Variants in DKC1 observed in about 807,000 individuals in gnomAD.
The protein encoded by DKC1 is dyskerin pseudouridine synthase 1.
Under a neutral mutation model 46.7 loss-of-function variants are expected in DKC1, and 4 were observed. The ratio of observed to expected loss-of-function variants is 0.09; its 90% CI spans 0.04 to 0.20. The LOEUF is 0.20. Ranked by LOEUF, DKC1 falls within the 10% of genes least tolerant of loss-of-function variation. The pLI is 1.00. For synonymous variants in DKC1, 141 were observed against 142.4 expected (o/e 0.99, Z 0.07); for missense variants, 171 against 404.2 (o/e 0.42, Z 4.95).
At chrX:154,764,829 G>C in intron 1 of DKC1, 70 bp from the exon 2 acceptor site, 1 of 824,097 alleles carries the variant, frequency 1.2e-6, no homozygotes, top group Admixed American at 2.2e-5. Flanking sequence ...CCTAATTTCG[G>C]TCTTTATTTT....
At chrX:154,764,432 C>A (rs1374162597) in intron 1 of DKC1, among the ~76,000 whole-genome samples, 1 of 110,097 alleles carries the variant, frequency 9.1e-6, no homozygotes, top group African/African-American at 3.3e-5. Flanking sequence ...ATATATTTTT[C>A]TTCAGAATAA....
In DKC1 at chrX:154,765,873, G is replaced by A. The variant is rs782531283; in HGVS notation, c.172-34G>A. The A allele has an allele frequency of 1.9e-5, 20 of 1,061,082 alleles. No individual in the cohort carries two copies. The South Asian group carries it at 3.4e-4, about 18-fold the overall frequency. 87.4% of individuals were successfully genotyped at this position (1,061,082 alleles called of 1,213,427 possible). A position where few individuals can be genotyped will look rare whatever the true frequency, so the allele number is the denominator to read the frequency against. ...TTTTTTTACATGTGCTCACGACATGGTATTTTGTTTTGTGTTGTGTCGTTG... is the reference window on the plus strand; with the variant it reads ...TTTTTTTACATGTGCTCACGACATGATATTTTGTTTTGTGTTGTGTCGTTG... On this transcript the variant is annotated intron_variant, in intron 3 of 14. Coordinates refer to ENST00000369550, the MANE Select transcript of DKC1 (RefSeq NM_001363.5).
chrX:154,766,960 A>C (rs2071753611), intron 5 of DKC1, 37 bp from the exon 6 acceptor site: 13 of 1,177,736 alleles, frequency 1.1e-5, no homozygotes, highest in Non-Finnish European at 1.5e-5. Flanking sequence ...CAGAAAACTC[A>C]GTGGCCACAC....
intron 12 of DKC1, 21 bp from the exon 13 acceptor site, chrX:154,775,174 C>G (rs782263732): frequency 8.3e-7 from 1 of 1,201,329 alleles, no homozygotes. Context: ...TGAATTTGAC[C>G]TATTGCTACC....
At position 154,766,419 on chromosome X, in the gene DKC1, G is replaced by A. The variant is rs1557264176; in HGVS notation, c.448+19G>A. On this transcript the variant is annotated intron_variant, in intron 5 of 14. Transcript: ENST00000369550. ...AGTGCAGGTATGTGGGAGAGGGAGG[G>A]AAGGACTGGCTAGAGTGAAAAGCTT... The A allele has an allele frequency of 1.7e-6, 2 of 1,189,587 alleles. No homozygotes were observed. Among genetic ancestry groups the A allele is most frequent in the Non-Finnish European group, 2.3e-6 (2 of 876,338 alleles).
rs200156434 is a variant in DKC1 at position 154,769,318 on chromosome X, C to T, written c.915+8C>T. On this transcript the variant is annotated splice_region_variant and intron_variant, in intron 9 of 14. Coordinates refer to ENST00000369550, the MANE Select transcript of DKC1 (RefSeq NM_001363.5). ...GTTATGAAAGACAGTGCAGTAAGTT[C>T]CGGGTTAGGAGTTTATATTTGGAAA... is the stretch of plus-strand genomic sequence containing the variant. The T allele has an allele frequency of 3.1e-4, 372 of 1,207,821 alleles. 1 individual carries two copies. The highest frequency in any genetic ancestry group is 3.6e-4 in the Non-Finnish European group (322 of 893,409).
chrX:154,765,116 C>T (rs181965219), intron 2 of DKC1, 150 bp downstream of exon 2: 8 of 511,655 alleles, frequency 1.6e-5, no homozygotes, highest in African/African-American at 7.2e-5. Flanking sequence ...TGAAATGACA[C>T]AGCCCCAGAC....
intron 11 of DKC1, among the ~76,000 whole-genome samples, chrX:154,773,637 G>C (rs1336104528): frequency 9.1e-6 from 1 of 110,441 alleles, no homozygotes; most frequent in Non-Finnish European, 1.9e-5. Flanking sequence ...CAGATCAACA[G>C]GATCCCAAGG....
At chrX:154,774,435 GTCC>G (rs2071868734) in intron 11 of DKC1, among the ~76,000 whole-genome samples, 164 bp from the exon 12 acceptor site, 1 of 112,287 alleles carries the variant, frequency 8.9e-6, no homozygotes, top group Non-Finnish European at 1.9e-5. Flanking sequence ...TCTTCAACAA[GTCC>G]TGTGTGTGTT....
In DKC1 at chrX:154,769,170, C is replaced by T; in HGVS notation, c.775C>T (p.His259Tyr). Residue 259 changes from histidine (H) to tyrosine (Y), a missense_variant, in exon 9 of 15, where the codon CAC becomes TAC. Coordinates refer to ENST00000369550, the MANE Select transcript of DKC1 (RefSeq NM_001363.5). ...VRSGVMSEKD[H>Y]MVTMHDVLDA... Reference sequence around the variant, plus strand: ...TTCATACATGGCTGCTTTTCAGGACCACATGGTGACAATGCATGATGTGCT... The same window carrying T: ...TTCATACATGGCTGCTTTTCAGGACTACATGGTGACAATGCATGATGTGCT... 1.7e-6 allele frequency: 2 copies of T among 1,210,347 alleles called. No homozygotes were observed. The highest frequency in any genetic ancestry group is 2.2e-6 in the Non-Finnish European group (2 of 894,966).
Position 154,773,112 on chromosome X carries a change from C to T in DKC1, c.1037-19C>T, listed in dbSNP as rs1557265111. On this transcript the variant is annotated intron_variant, in intron 10 of 14. Transcript: ENST00000369550. ...CTTTCACCCTTCAAATAATTCTTTT[C>T]TTTATTCAATGCCTGTAGCTATTGC... 2 of 1,063,889 alleles carry T rather than the reference C, an allele frequency of 1.9e-6. No individual in the cohort carries two copies. The highest frequency in any genetic ancestry group is 3.0e-5 in the East Asian group (1 of 32,914). The allele number at this position is 1,063,889 out of a possible 1,213,427, so 87.7% of individuals were successfully genotyped here. A position where few individuals can be genotyped will look rare whatever the true frequency, so the allele number is the denominator to read the frequency against.
chrX:154,767,215 A>C, intron 6 of DKC1, 41 bp from the exon 7 acceptor site: 1 of 1,211,190 alleles, frequency 8.3e-7, no homozygotes. Context: ...GCACATGTAC[A>C]TTCTGATGAG....
intron 13 of DKC1, 45 bp from the exon 14 acceptor site, chrX:154,776,142 A>G (rs936232142): frequency 2.5e-6 from 3 of 1,207,072 alleles, no homozygotes; most frequent in Non-Finnish European, 2.2e-6. Flanking sequence ...TTTCTTGTCC[A>G]TTATTGCCCA....
intron 7 of DKC1, 159 bp from the exon 8 acceptor site, chrX:154,768,143 C>A: frequency 1.4e-6 from 1 of 710,548 alleles, no homozygotes; most frequent in Non-Finnish European, 2.2e-6. Flanking sequence ...AGCCACCGTG[C>A]CTGGCCAGAA....
rs781954011 is a variant in DKC1 at position 154,774,002 on chromosome X, ACTT to A, written c.1156-599_1156-597del. 1.1e-3 allele frequency among the ~76,000 whole-genome samples: 119 copies of A among 111,686 alleles called. 1 individual carries two copies. Among genetic ancestry groups the A allele is most frequent in the Admixed American group, 3.0e-3 (32 of 10,710 alleles). ...GTTCTTTTGTTTGGCATTGTTGAAT[ACTT>A]GGGCAGCTCTTGGTGTGTTTCACCA... On this transcript the variant is annotated intron_variant, in intron 11 of 14. Transcript: ENST00000369550.
Position 154,776,991 on chromosome X carries a change from AGCT to A in DKC1, c.*128_*130del. On this transcript the variant is annotated 3_prime_UTR_variant, in exon 15 of 15. Transcript: ENST00000369550. ...AGGGTGAAGAGTTCTGGCACATTTT[AGCT>A]GCTACTTTGAGACCTCGGTGATGTT... 1 of 570,915 alleles carries A rather than the reference AGCT, an allele frequency of 1.8e-6. No homozygotes were observed. The highest frequency in any genetic ancestry group is 2.8e-6 in the Non-Finnish European group (1 of 353,676). 47.0% of individuals were successfully genotyped at this position (570,915 alleles called of 1,213,427 possible).
At chrX:154,770,981 T>G in intron 10 of DKC1, 102 bp downstream of exon 10, 1 of 821,712 alleles carries the variant, frequency 1.2e-6, no homozygotes, top group Non-Finnish European at 1.8e-6. Flanking sequence ...AGGCATGCAA[T>G]ACATAATAAT....
intron 8 of DKC1, chrX:154,768,686 A>G (rs782467380): frequency 8.9e-6 from 4 of 450,591 alleles, no homozygotes; most frequent in Non-Finnish European, 1.6e-5. Flanking sequence ...TAATACTTCA[A>G]CGGTTAAAGA....
chrX:154,773,964 C>T (rs1405913814), intron 11 of DKC1, among the ~76,000 whole-genome samples: 3 of 111,202 alleles, frequency 2.7e-5, no homozygotes, highest in African/African-American at 9.8e-5. Flanking sequence ...CCGGATGGGG[C>T]GGCTCCTGCC....
Sources: allele counts gnomAD v4.1 joint callset (sites outside exome capture counted in the v4.1 genomes callset), GRCh38; gene constraint gnomAD v4.1.1; transcripts MANE v1.5; gene names NCBI Gene and HGNC (gene_info 2026-07-23, HGNC 2026-07-21).